The following CACNA2D3 variants were observed in gnomAD, a reference collection of about 807,000 sequenced individuals.
CACNA2D3 encodes voltage-dependent calcium channel subunit alpha-2/delta-3.
CACNA2D3 carries 60 observed loss-of-function variants against 160.6 expected under a neutral mutation model. The observed-to-expected ratio is 0.37, with a 90% CI of 0.30 to 0.46. CACNA2D3 has a LOEUF of 0.46. Among genes scored for constraint, CACNA2D3 ranks in the 20% least tolerant of loss-of-function variants. The pLI is 1.00. For synonymous variants in CACNA2D3, 558 were observed against 492.9 expected, an observed-to-expected ratio of 1.13 and a Z score of -1.75; for missense variants, 1,205 against 1,365.0, an observed-to-expected ratio of 0.88 and a Z score of 1.85.
intron 5 of CACNA2D3, among the ~76,000 whole-genome samples, chr3:54,541,136 G>C (rs1242421400): frequency 1.3e-5 from 2 of 151,784 alleles, no homozygotes; most frequent in Non-Finnish European, 2.9e-5. Context: ...AATTAGCCGG[G>C]CGTGGTGGCG....
intron 2 of CACNA2D3, among the ~76,000 whole-genome samples, chr3:54,282,805 A>G (rs1702911340): frequency 6.6e-6 from 1 of 152,156 alleles, no homozygotes; most frequent in African/African-American, 2.4e-5. Context: ...CACTTTCTGT[A>G]GGAATTAGCC....
chr3:54,523,514 T>C (rs1463402539), intron 5 of CACNA2D3, among the ~76,000 whole-genome samples: 1 of 152,154 alleles, frequency 6.6e-6, no homozygotes, highest in Non-Finnish European at 1.5e-5. Context: ...TCTTTGACGT[T>C]TTGGTATCAG....
At chr3:54,659,566 C>A (rs1266668998) in intron 11 of CACNA2D3, among the ~76,000 whole-genome samples, 1 of 152,132 alleles carries the variant, frequency 6.6e-6, no homozygotes, top group Non-Finnish European at 1.5e-5. Context: ...TGTTGAGCTT[C>A]CTTGGGAATG....
chr3:54,699,276 G>A (rs1159004756), intron 11 of CACNA2D3, among the ~76,000 whole-genome samples: 1 of 152,194 alleles, frequency 6.6e-6, no homozygotes, highest in Non-Finnish European at 1.5e-5. Flanking sequence ...GAAGAAGACT[G>A]CATGGGATGC....
chr3:54,809,947 G>C (rs552459964), intron 13 of CACNA2D3, among the ~76,000 whole-genome samples: 1 of 152,260 alleles, frequency 6.6e-6, no homozygotes, highest in Admixed American at 6.5e-5. Flanking sequence ...TAAAGAGGAA[G>C]ATTACACAGT....
At chr3:54,149,744 G>T (rs1700103430) in intron 2 of CACNA2D3, among the ~76,000 whole-genome samples, 1 of 152,108 alleles carries the variant, frequency 6.6e-6, no homozygotes, top group African/African-American at 2.4e-5. Flanking sequence ...TGTGTTTTGG[G>T]TACCCACAGC....
chr3:54,279,710 T>A lies in CACNA2D3; in HGVS notation c.205-40732T>A, dbSNP rs971342956. 3.3e-5 allele frequency among the ~76,000 whole-genome samples: 5 copies of A among 152,304 alleles called. No homozygotes were observed. In the South Asian group the frequency reaches 8.3e-4, roughly 25 times the overall value. On this transcript the variant is annotated intron_variant, in intron 2 of 37. Coordinates refer to ENST00000474759, the MANE Select transcript of CACNA2D3 (RefSeq NM_018398.3). Reference sequence around the variant, plus strand: ...TAGAGCTCTGGCTTAGTCCTAATAATTGAAACCATTTCGAGTTCTAGCATC... The same window carrying A: ...TAGAGCTCTGGCTTAGTCCTAATAAATGAAACCATTTCGAGTTCTAGCATC...
intron 2 of CACNA2D3, among the ~76,000 whole-genome samples, chr3:54,155,074 G>C (rs1700222460): frequency 6.6e-6 from 1 of 152,192 alleles, no homozygotes; most frequent in Admixed American, 6.5e-5. Flanking sequence ...ATCCTAGCTG[G>C]TTATGTTTGC....
At chr3:54,220,698 G>A (rs935058421) in intron 2 of CACNA2D3, among the ~76,000 whole-genome samples, 3 of 152,128 alleles carry the variant, frequency 2.0e-5, no homozygotes, top group African/African-American at 7.2e-5. Flanking sequence ...ACCCTCCCTG[G>A]CTACTGAACC....
At chr3:54,852,067 C>A (rs1395770586) in intron 17 of CACNA2D3, among the ~76,000 whole-genome samples, 1 of 152,224 alleles carries the variant, frequency 6.6e-6, no homozygotes, top group Non-Finnish European at 1.5e-5. Context: ...CCACCACCAC[C>A]CGTCATTGTG....
At chr3:54,188,363 A>G (rs1014567782) in intron 2 of CACNA2D3, among the ~76,000 whole-genome samples, 2 of 152,366 alleles carry the variant, frequency 1.3e-5, no homozygotes, top group East Asian at 3.9e-4. Context: ...AAGGACAGCG[A>G]CATGCAACCT....
chr3:54,388,454 A>C lies in CACNA2D3; in HGVS notation c.381+1680A>C, dbSNP rs144511028. ...AACAAAAAATATCAAGTCCATCATCAGCAGTCTTTTTAGGCATAATACTCA... is the reference window on the plus strand; with the variant it reads ...AACAAAAAATATCAAGTCCATCATCCGCAGTCTTTTTAGGCATAATACTCA... On this transcript the variant is annotated intron_variant, in intron 4 of 37. Transcript: ENST00000474759. 5.8e-3 allele frequency among the ~76,000 whole-genome samples: 891 copies of C among 152,324 alleles called. 6 individuals carry two copies. The highest frequency in any genetic ancestry group is 0.021 in the African/African-American group (855 of 41,558).
intron 3 of CACNA2D3, among the ~76,000 whole-genome samples, chr3:54,338,815 T>G (rs1575403612): frequency 1.3e-5 from 2 of 152,214 alleles, no homozygotes; most frequent in Middle Eastern, 6.8e-3. Flanking sequence ...CTCGTGGGGC[T>G]TGAGGAAGGA....
At chr3:54,129,308 A>AT (rs1699659575) in intron 2 of CACNA2D3, among the ~76,000 whole-genome samples, 1 of 152,164 alleles carries the variant, frequency 6.6e-6, no homozygotes, top group Non-Finnish European at 1.5e-5. Flanking sequence ...GAAGGGAATT[A>AT]TTTTTTACAA....
chr3:54,643,878 A>G (rs1037430975), intron 11 of CACNA2D3, among the ~76,000 whole-genome samples: 10 of 152,212 alleles, frequency 6.6e-5, no homozygotes, highest in Admixed American at 4.6e-4. Flanking sequence ...TTGCAGCCAA[A>G]TAGAATGTTC....
intron 35 of CACNA2D3, among the ~76,000 whole-genome samples, chr3:55,057,725 T>C (rs17054733): frequency 6.6e-6 from 1 of 152,194 alleles, no homozygotes; most frequent in Non-Finnish European, 1.5e-5. Flanking sequence ...TCTGAACCAG[T>C]TGGCTTTCTG....
intron 5 of CACNA2D3, among the ~76,000 whole-genome samples, chr3:54,523,546 CGTATT>C (rs1701679841): frequency 6.6e-6 from 1 of 152,036 alleles, no homozygotes; most frequent in African/African-American, 2.4e-5. Context: ...GCTCATAGAA[CGTATT>C]GGGAATTGTT....
rs112332837 is a variant in CACNA2D3, at chr3:54,739,128, G to GA, written c.1168-13461dup. Among the ~76,000 whole-genome samples, 236 of 147,076 alleles carry GA rather than the reference G, an allele frequency of 1.6e-3. 2 individuals carry two copies. The highest frequency in any genetic ancestry group is 3.3e-3 in the Admixed American group (48 of 14,734). On this transcript the variant is annotated intron_variant, in intron 11 of 37. Coordinates refer to ENST00000474759, the MANE Select transcript of CACNA2D3 (RefSeq NM_018398.3). ...CCTAGGTGACAGACTGTCTCAATAG[G>GA]AAAAAAAAAAGACTTGGCAGAGAAG...
chr3:55,051,773 A>C, intron 35 of CACNA2D3, among the ~76,000 whole-genome samples: 1 of 150,030 alleles, frequency 6.7e-6, no homozygotes, highest in African/African-American at 2.5e-5. Flanking sequence ...TGGGCGTAGG[A>C]CCCTCCGAGC....
Sources: allele counts gnomAD v4.1 joint callset (sites outside exome capture counted in the v4.1 genomes callset), GRCh38; gene constraint gnomAD v4.1.1; transcripts MANE v1.5; gene names NCBI Gene and HGNC (gene_info 2026-07-23, HGNC 2026-07-21).